TRIM66: variants seen among roughly 807,000 people sequenced by gnomAD.
TRIM66 encodes the protein tripartite motif-containing protein 66.
In TRIM66, 99 loss-of-function variants were observed where a neutral mutation model predicts 148.2. The ratio of observed to expected loss-of-function variants is 0.67; its 90% CI spans 0.57 to 0.79. TRIM66 has a LOEUF of 0.79. Among genes scored for constraint, TRIM66 ranks in the 30% least tolerant of loss-of-function variants. The pLI is 0.00. For missense variants in TRIM66, 1,666 were observed against 1,697.9 expected, an observed-to-expected ratio of 0.98 and a Z score of 0.33; for synonymous variants, 616 against 635.9, an observed-to-expected ratio of 0.97 and a Z score of 0.47.
chr11:8,645,965 G>C (rs538827150), intron 11 of TRIM66, 78 bp from the exon 12 acceptor site: 246 of 1,405,606 alleles, frequency 1.8e-4, no homozygotes, highest in Non-Finnish European at 2.2e-4. Flanking sequence ...CTGGTGGCTT[G>C]TGTGTGTCAC....
intron 1 of TRIM66, among the ~76,000 whole-genome samples, chr11:8,682,246 G>A (rs566815789): frequency 2.0e-4 from 31 of 152,348 alleles, no homozygotes; most frequent in African/African-American, 7.2e-4. Flanking sequence ...GCGGGAGAAG[G>A]CATTTCGGGA....
Position 8,641,000 on chromosome 11 carries a change from C to T in TRIM66, c.1375G>A (p.Ala459Thr). The T allele has an allele frequency of 6.4e-7, 1 of 1,551,356 alleles. No individual in the cohort carries two copies. The highest frequency in any genetic ancestry group is 8.7e-7 in the Non-Finnish European group (1 of 1,146,828). Residue 459 changes from alanine to threonine, a missense_variant, in exon 14 of 25, where the codon GCA (alanine) becomes ACA (threonine). This residue lies in a region of TRIM66 where 1,431 missense variants were observed against 1,412.4 expected (regional missense o/e 1.01). Coordinates refer to ENST00000646038, the MANE Select transcript of TRIM66 (RefSeq NM_001388022.1). The part of the protein sequence containing the change: ...SHPSHKFQSP[A>T]VCSSSVCCSH... Reference sequence around the variant, plus strand: ...CAGCACACAGATGAGGAGCACACTGCTGGAGACTGGAACTTGTGTGAGGGG... The same window carrying T: ...CAGCACACAGATGAGGAGCACACTGTTGGAGACTGGAACTTGTGTGAGGGG...
At chr11:8,636,007 A>G (rs1277437921) in intron 15 of TRIM66, among the ~76,000 whole-genome samples, 2 of 152,222 alleles carry the variant, frequency 1.3e-5, no homozygotes, top group Non-Finnish European at 2.9e-5. Context: ...TATGACAGTG[A>G]AAAAGATCTG....
chr11:8,639,337 G>A (rs1251978008), intron 14 of TRIM66, among the ~76,000 whole-genome samples: 1 of 152,162 alleles, frequency 6.6e-6, no homozygotes, highest in Non-Finnish European at 1.5e-5. Context: ...AGTGAGAGAA[G>A]GGTAGAGAAA....
At chr11:8,680,225 G>T (rs2039347414) in intron 1 of TRIM66, among the ~76,000 whole-genome samples, 162 bp from the exon 2 acceptor site, 1 of 152,230 alleles carries the variant, frequency 6.6e-6, no homozygotes, top group African/African-American at 2.4e-5. Context: ...GCTTGTGTAA[G>T]GGAGAGGCTG....
rs1263076518 is a variant in TRIM66, at chr11:8,640,265, C to G, written c.2110G>C (p.Ala704Pro). Residue 704 changes from alanine to proline, a missense_variant, in exon 14 of 25, where the codon GCA (alanine) becomes CCA (proline). Around this residue, in one of 3 missense-constraint regions of TRIM66, gnomAD observed 1,431 missense variants for 1,412.4 expected, o/e 1.01. Coordinates refer to ENST00000646038, the MANE Select transcript of TRIM66 (RefSeq NM_001388022.1). The part of the protein sequence containing the change: ...GQINYIVRQP[A>P]PVQSQSQEET... ...TCCTGGCTCTGGGACTGGACAGGTG[C>G]TGGCTGCCTCACGATGTAGTTGATC... 6.4e-7 allele frequency: 1 copy of G among 1,551,544 alleles called. No individual in the cohort carries two copies. Among genetic ancestry groups the G allele is most frequent in the African/African-American group, 1.4e-5 (1 of 72,988 alleles).
chr11:8,648,077 A>T lies in TRIM66; in HGVS notation c.735T>A (p.His245Gln). Residue 245 changes from histidine (H) to glutamine (Q), a missense_variant, in exon 10 of 25, where the codon CAT becomes CAA. Physicochemically the swap from His to Gln is conservative, Grantham distance 24 (BLOSUM62 0). Coordinates refer to ENST00000646038, the MANE Select transcript of TRIM66 (RefSeq NM_001388022.1). ...VVEHKEHRCR[H>Q]VEEVLQNQRM... ...TCTGGTTTTGCAAAACTTCTTCAAC[A>T]TGTCTGCACCTAGGGGATGAGGCAG... The T allele has an allele frequency of 6.4e-7, 1 of 1,551,492 alleles. No individual in the cohort carries two copies. Among genetic ancestry groups the T allele is most frequent in the Non-Finnish European group, 8.7e-7 (1 of 1,146,828 alleles).
At chr11:8,619,592 G>A in intron 22 of TRIM66, 57 bp from the exon 23 acceptor site, 4 of 1,429,872 alleles carry the variant, frequency 2.8e-6, no homozygotes, top group Non-Finnish European at 3.7e-6. Context: ...AGAAATGGAG[G>A]TGTGGATAAG....
chr11:8,660,746 C>A (rs1466893436), intron 6 of TRIM66, among the ~76,000 whole-genome samples: 2 of 152,234 alleles, frequency 1.3e-5, no homozygotes, highest in Middle Eastern at 3.2e-3. Flanking sequence ...CCACGTCCAT[C>A]TTTGTGAACT....
At chr11:8,650,094 C>A (rs2133237200) in intron 7 of TRIM66, among the ~76,000 whole-genome samples, 1 of 152,204 alleles carries the variant, frequency 6.6e-6, no homozygotes, top group Middle Eastern at 3.4e-3. Flanking sequence ...GTGGCTACTT[C>A]AGGTATGGTG....
At chr11:8,669,140 G>A (rs1408843802) in intron 6 of TRIM66, among the ~76,000 whole-genome samples, 1 of 152,216 alleles carries the variant, frequency 6.6e-6, no homozygotes, top group Non-Finnish European at 1.5e-5. Context: ...CACCACTGCT[G>A]CAGAGGCCCA....
chr11:8,655,906 C>T (rs1294095962), intron 6 of TRIM66, among the ~76,000 whole-genome samples: 3 of 152,176 alleles, frequency 2.0e-5, no homozygotes, highest in Non-Finnish European at 4.4e-5. Flanking sequence ...GGAACAAGCT[C>T]GTAGTTGAAA....
chr11:8,648,056 G>C lies in TRIM66; in HGVS notation c.756C>G (p.Asn252Lys), dbSNP rs1288607231. ...RCRHVEEVLQ[N>K]QRMLLEGVTT... Reference sequence around the variant, plus strand: ...TCACACCTTCCAGAAGCATCCTCTGGTTTTGCAAAACTTCTTCAACATGTC... The same window carrying C: ...TCACACCTTCCAGAAGCATCCTCTGCTTTTGCAAAACTTCTTCAACATGTC... Residue 252 changes from asparagine to lysine, a missense_variant, in exon 10 of 25, where the codon AAC becomes AAG. Asn to Lys is a moderately conservative substitution (Grantham distance 94, BLOSUM62 0). Transcript: ENST00000646038. The C allele has an allele frequency of 6.4e-6, 10 of 1,551,566 alleles. No individual in the cohort carries two copies. The highest frequency in any genetic ancestry group is 7.0e-6 in the Non-Finnish European group (8 of 1,146,998).
chr11:8,682,954 C>CGGCGCG, upstream of TRIM66: 3 of 1,227,888 alleles, frequency 2.4e-6, no homozygotes, highest in Admixed American at 7.4e-5. Flanking sequence ...GCAGGGTGGC[C>CGGCGCG]GGCGCGGGCC....
intron 1 of TRIM66, among the ~76,000 whole-genome samples, chr11:8,681,219 C>T (rs1415935720): frequency 6.6e-6 from 1 of 151,782 alleles, no homozygotes; most frequent in South Asian, 2.1e-4. Context: ...CTACAAGCTC[C>T]GCCTCCCGGG....
At chr11:8,652,998 T>C (rs2037496216) in intron 6 of TRIM66, among the ~76,000 whole-genome samples, 1 of 152,244 alleles carries the variant, frequency 6.6e-6, no homozygotes, top group South Asian at 2.1e-4. Context: ...TAAGAGTTGC[T>C]GTGCACATTA....
At chr11:8,673,440 C>G (rs1038896009) in intron 4 of TRIM66, among the ~76,000 whole-genome samples, 6 of 152,144 alleles carry the variant, frequency 3.9e-5, no homozygotes, top group African/African-American at 1.4e-4. Flanking sequence ...TTACTTGTCT[C>G]AGGTTAATGA....
At chr11:8,654,360 G>C (rs1035437513) in intron 6 of TRIM66, 1 of 152,218 alleles carries the variant, frequency 6.6e-6, no homozygotes, top group African/African-American at 2.4e-5. Context: ...TGTGAAAAAT[G>C]CTGTTTCCTC....
intron 22 of TRIM66, among the ~76,000 whole-genome samples, chr11:8,619,795 C>T (rs978233675): frequency 3.3e-5 from 5 of 152,182 alleles, no homozygotes; most frequent in South Asian, 2.1e-4. Context: ...CATGGCCCTA[C>T]GGTCCCCTGG....
Sources: gnomAD v4.1 joint callset for allele counts (sites outside exome capture counted in the v4.1 genomes callset) on GRCh38, gnomAD v4.1.1 for gene constraint, gnomAD v4.1.1 regional missense constraint, MANE v1.5 for transcripts, NCBI Gene and HGNC (gene_info 2026-07-23, HGNC 2026-07-21) for gene names.